Variants in TANGO6 observed in about 807,000 individuals in gnomAD.
The protein encoded by TANGO6 is transport and Golgi organization protein 6 homolog.
Under a neutral mutation model 114.2 loss-of-function variants are expected in TANGO6, and 90 were observed. The ratio of observed to expected loss-of-function variants is 0.79; its 90% CI spans 0.66 to 0.94. The LOEUF (loss-of-function observed/expected upper bound fraction) is 0.94, where lower values mean the gene tolerates loss of function less well. Ranked by LOEUF, TANGO6 falls within the 40% of genes least tolerant of loss-of-function variation. The pLI is 0.00. For synonymous variants in TANGO6, 477 were observed against 509.8 expected (o/e 0.94, Z 0.87); for missense variants, 1,274 against 1,315.3 (o/e 0.97, Z 0.49).
chr16:69,063,124 A>C (rs1960149459), intron 17 of TANGO6, among the ~76,000 whole-genome samples: 1 of 151,790 alleles, frequency 6.6e-6, no homozygotes, highest in South Asian at 2.1e-4. Flanking sequence ...GCTACTTGGG[A>C]AGCGGAGGCA....
intron 14 of TANGO6, among the ~76,000 whole-genome samples, chr16:68,943,108 C>T (rs867653298): frequency 1.3e-5 from 2 of 151,330 alleles, no homozygotes; most frequent in Admixed American, 1.3e-4. Context: ...GCCATGTTGC[C>T]CAGACTGGTT....
At chr16:68,964,305 A>T (rs1044041768) in intron 14 of TANGO6, among the ~76,000 whole-genome samples, 3 of 151,934 alleles carry the variant, frequency 2.0e-5, no homozygotes, top group Non-Finnish European at 4.4e-5. Context: ...AAAAGTAAAA[A>T]AAATTTTTAA....
At chr16:68,857,976 TGAAA>T (rs1475118930) in intron 1 of TANGO6, among the ~76,000 whole-genome samples, 5 of 152,208 alleles carry the variant, frequency 3.3e-5, no homozygotes, top group African/African-American at 4.8e-5. Flanking sequence ...CTTTATTTTC[TGAAA>T]GAGTTTGGGT....
intron 16 of TANGO6, chr16:69,035,240 G>C (rs1026665565): frequency 6.6e-6 from 1 of 152,222 alleles, no homozygotes; most frequent in Non-Finnish European, 1.5e-5. Flanking sequence ...GGAAGCTAAA[G>C]TACCTGCCAT....
chr16:68,943,418 C>T (rs1963376666), intron 14 of TANGO6, among the ~76,000 whole-genome samples: 1 of 147,922 alleles, frequency 6.8e-6, no homozygotes, highest in Non-Finnish European at 1.5e-5. Flanking sequence ...GGCTGGAGTG[C>T]AGTGGCGCAG....
intron 17 of TANGO6, among the ~76,000 whole-genome samples, chr16:69,052,149 T>A (rs1442026448): frequency 2.0e-5 from 3 of 151,636 alleles, no homozygotes; most frequent in Non-Finnish European, 4.4e-5. Context: ...TGTCTCCCTA[T>A]ATTGCCCAGG....
intron 17 of TANGO6, among the ~76,000 whole-genome samples, chr16:69,045,375 CA>C (rs1171212419): frequency 7.1e-6 from 1 of 140,998 alleles, no homozygotes; most frequent in Non-Finnish European, 1.5e-5. Context: ...ACCTGGGAGG[CA>C]GAGCTTGCAG....
chr16:68,971,718 T>C (rs1032412992), intron 14 of TANGO6, among the ~76,000 whole-genome samples: 1 of 151,670 alleles, frequency 6.6e-6, no homozygotes, highest in African/African-American at 2.4e-5. Context: ...TGCAGCCTCT[T>C]CCTCTGGGGT....
intron 4 of TANGO6, chr16:68,867,502 T>A: frequency 3.4e-6 from 1 of 297,276 alleles, no homozygotes; most frequent in Non-Finnish European, 6.2e-6. Flanking sequence ...GGGAAAACAT[T>A]ACACAGAAAA....
chr16:68,900,345 G>T, intron 7 of TANGO6, 89 bp from the exon 8 acceptor site: 2 of 990,724 alleles, frequency 2.0e-6, no homozygotes, highest in Non-Finnish European at 3.2e-6. Context: ...TGCTTAAGAC[G>T]CTGAGCCCTG....
intron 9 of TANGO6, among the ~76,000 whole-genome samples, chr16:68,903,685 G>A (rs998129272): frequency 6.6e-6 from 1 of 151,204 alleles, no homozygotes; most frequent in Non-Finnish European, 1.5e-5. Flanking sequence ...ACTTTGGGAG[G>A]CCGAGGTGGG....
intron 17 of TANGO6, among the ~76,000 whole-genome samples, chr16:69,060,834 A>T (rs1960103481): frequency 6.6e-6 from 1 of 151,786 alleles, no homozygotes; most frequent in South Asian, 2.1e-4. Context: ...TCTACTAAAA[A>T]TACAAAAATT....
chr16:68,959,080 T>C (rs1963563739), intron 14 of TANGO6, among the ~76,000 whole-genome samples: 1 of 151,874 alleles, frequency 6.6e-6, no homozygotes, highest in African/African-American at 2.4e-5. Flanking sequence ...ATAGGCAGAG[T>C]GTTTATGTGT....
At chr16:68,959,097 T>C (rs1963563846) in intron 14 of TANGO6, among the ~76,000 whole-genome samples, 1 of 152,230 alleles carries the variant, frequency 6.6e-6, no homozygotes, top group African/African-American at 2.4e-5. Context: ...GTGTGTATTT[T>C]CATATTTTAG....
At chr16:68,929,361 G>A (rs1323218946) in intron 13 of TANGO6, among the ~76,000 whole-genome samples, 1 of 152,068 alleles carries the variant, frequency 6.6e-6, no homozygotes, top group Non-Finnish European at 1.5e-5. Flanking sequence ...TCTTTCAAAT[G>A]TATCTTATCC....
intron 14 of TANGO6, among the ~76,000 whole-genome samples, chr16:68,932,231 C>T (rs1420641729): frequency 6.6e-6 from 1 of 152,118 alleles, no homozygotes; most frequent in Non-Finnish European, 1.5e-5. Context: ...GCTGGGATTA[C>T]AGGCATGTGC....
intron 10 of TANGO6, among the ~76,000 whole-genome samples, chr16:68,907,787 A>G (rs1235321047): frequency 6.6e-6 from 1 of 152,176 alleles, no homozygotes; most frequent in African/African-American, 2.4e-5. Flanking sequence ...GTTATCTACT[A>G]CTTCTCCAAG....
chr16:69,019,109 C>T (rs941308066), intron 15 of TANGO6, among the ~76,000 whole-genome samples: 10 of 152,020 alleles, frequency 6.6e-5, no homozygotes, highest in African/African-American at 1.5e-4. Flanking sequence ...CATAGTAATC[C>T]GTAATATGGG....
At chr16:69,059,646 A>G (rs1960085977) in intron 17 of TANGO6, among the ~76,000 whole-genome samples, 1 of 151,764 alleles carries the variant, frequency 6.6e-6, no homozygotes. Context: ...CAGCCTCCCG[A>G]GTAGCTGGGA....
Sources: gnomAD v4.1 joint callset for allele counts (sites outside exome capture counted in the v4.1 genomes callset) on GRCh38, gnomAD v4.1.1 for gene constraint, MANE v1.5 for transcripts, NCBI Gene and HGNC (gene_info 2026-07-23, HGNC 2026-07-21) for gene names.